Variants in LYPD6 observed in about 807,000 individuals in gnomAD.
The protein encoded by LYPD6 is LY6/PLAUR domain containing 6, also known as ly6/PLAUR domain-containing protein 6.
In LYPD6, 15 loss-of-function variants were observed where a neutral mutation model predicts 22.7. The observed-to-expected ratio is 0.66, with a 90% CI of 0.44 to 1.02. LYPD6 has a LOEUF of 1.02. LYPD6 is among the 50% of genes least tolerant of loss of function. The probability of loss-of-function intolerance (pLI) is 0.00; values close to 1 mark genes in which losing one functional copy is unlikely to be tolerated. For missense variants in LYPD6, 189 were observed against 208.4 expected (o/e 0.91, Z 0.57); for synonymous variants, 72 against 77.5 (o/e 0.93, Z 0.37).
intron 1 of LYPD6, among the ~76,000 whole-genome samples, chr2:149,404,641 A>G (rs1165946316): frequency 1.3e-5 from 2 of 152,152 alleles, no homozygotes; most frequent in Non-Finnish European, 1.5e-5. Flanking sequence ...GGGCTGAGAC[A>G]GTGGGGTTTT....
At chr2:149,393,902 G>A (rs1057266624) in intron 1 of LYPD6, among the ~76,000 whole-genome samples, 1 of 152,158 alleles carries the variant, frequency 6.6e-6, no homozygotes, top group Non-Finnish European at 1.5e-5. Flanking sequence ...GTGACAGGGC[G>A]ATTTGCTCTC....
At chr2:149,408,309 A>G (rs1422934474) in intron 1 of LYPD6, among the ~76,000 whole-genome samples, 2 of 152,002 alleles carry the variant, frequency 1.3e-5, no homozygotes, top group African/African-American at 2.4e-5. Context: ...TTTATAGGTT[A>G]CCTGATACTT....
At chr2:149,433,993 A>G (rs1429575784) in intron 1 of LYPD6, among the ~76,000 whole-genome samples, 2 of 152,108 alleles carry the variant, frequency 1.3e-5, no homozygotes, top group Non-Finnish European at 1.5e-5. Flanking sequence ...TATACTTTAA[A>G]TTCTGGGATA....
chr2:149,419,635 A>T (rs914169757), intron 1 of LYPD6, among the ~76,000 whole-genome samples: 14 of 152,182 alleles, frequency 9.2e-5, no homozygotes, highest in African/African-American at 3.4e-4. Context: ...GTTATAGAGA[A>T]TCACTGTAGC....
intron 1 of LYPD6, among the ~76,000 whole-genome samples, chr2:149,430,161 G>A (rs757053906): frequency 2.6e-5 from 4 of 152,164 alleles, no homozygotes; most frequent in African/African-American, 4.8e-5. Flanking sequence ...GTGCGTTGGC[G>A]TGATCTCGGC....
chr2:149,394,269 C>T (rs781627680), intron 1 of LYPD6, among the ~76,000 whole-genome samples: 1 of 152,088 alleles, frequency 6.6e-6, no homozygotes, highest in Admixed American at 6.6e-5. Context: ...AGCTTCCCTC[C>T]CCTCTGGGTC....
chr2:149,403,808 CT>C (rs1300362159), intron 1 of LYPD6, among the ~76,000 whole-genome samples: 8 of 149,818 alleles, frequency 5.3e-5, no homozygotes, highest in Non-Finnish European at 1.2e-4. Context: ...GTCCTTGCCC[CT>C]GCCTATGTCC....
intron 1 of LYPD6, among the ~76,000 whole-genome samples, chr2:149,423,579 A>T (rs1001214808): frequency 5.9e-5 from 9 of 152,034 alleles, no homozygotes; most frequent in Non-Finnish European, 1.0e-4. Context: ...TGGCAGGAAA[A>T]CGAGGCTGCC....
chr2:149,372,469 C>T (rs1028410520), intron 1 of LYPD6, among the ~76,000 whole-genome samples: 3 of 152,176 alleles, frequency 2.0e-5, no homozygotes, highest in Non-Finnish European at 2.9e-5. Context: ...GTCTTAAATA[C>T]TGAGGGACAA....
At chr2:149,385,114 A>C (rs182725468) in intron 1 of LYPD6, among the ~76,000 whole-genome samples, 10 of 151,900 alleles carry the variant, frequency 6.6e-5, no homozygotes, top group South Asian at 6.3e-4. Context: ...CTTTCATTTT[A>C]TCTCTCTTCC....
chr2:149,460,744 A>G (rs137887716), intron 3 of LYPD6, among the ~76,000 whole-genome samples: 32 of 152,250 alleles, frequency 2.1e-4, no homozygotes, highest in African/African-American at 7.0e-4. Context: ...GCCATAAAGC[A>G]AACCTCAACA....
At chr2:149,372,268 T>TA (rs1407506426) in intron 1 of LYPD6, among the ~76,000 whole-genome samples, 1 of 152,212 alleles carries the variant, frequency 6.6e-6, no homozygotes, top group Non-Finnish European at 1.5e-5. Flanking sequence ...AGTAAGACCT[T>TA]ACGCCTGATA....
the LYPD6 span, among the ~76,000 whole-genome samples, chr2:149,486,332 G>A: frequency 6.6e-6 from 1 of 152,266 alleles, no homozygotes; most frequent in South Asian, 2.1e-4. Context: ...TCACTGCTCA[G>A]GTGTTTCGAT....
chr2:149,389,113 C>G (rs1043648902), intron 1 of LYPD6, among the ~76,000 whole-genome samples: 3 of 152,132 alleles, frequency 2.0e-5, no homozygotes, highest in African/African-American at 7.2e-5. Context: ...AAAAAAAACC[C>G]CTAAGTTTTG....
chr2:149,471,088 A>C lies in LYPD6; in HGVS notation c.*238A>C. On this transcript the variant is annotated 3_prime_UTR_variant, in exon 5 of 5. Transcript: ENST00000334166. ...AGTACAGCCCAAGTTCCATACCATA[A>C]ACGTTTGTTTTCATTCCAAGAAGTA... 2.6e-6 allele frequency: 1 copy of C among 385,270 alleles called. No individual in the cohort carries two copies. The highest frequency in any genetic ancestry group is 4.7e-6 in the Non-Finnish European group (1 of 212,856). The allele number at this position is 385,270 out of a possible 1,614,324, so 23.9% of individuals were successfully genotyped here.
At chr2:149,486,375 C>A in the LYPD6 span, among the ~76,000 whole-genome samples, 1 of 152,130 alleles carries the variant, frequency 6.6e-6, no homozygotes, top group Non-Finnish European at 1.5e-5. Context: ...TTATGAGTTC[C>A]ACATTCACTC....
downstream of LYPD6, among the ~76,000 whole-genome samples, chr2:149,477,622 C>CAAAAAAA (rs35507967): frequency 1.6e-5 from 1 of 62,912 alleles, no homozygotes; most frequent in Non-Finnish European, 2.7e-5. Flanking sequence ...AACTGTGTCT[C>CAAAAAAA]AAAAAAAAAA....
At chr2:149,336,341 A>G (rs1002320990) in intron 1 of LYPD6, among the ~76,000 whole-genome samples, 1 of 152,248 alleles carries the variant, frequency 6.6e-6, no homozygotes, top group African/African-American at 2.4e-5. Flanking sequence ...AAGAAAAATA[A>G]TAGAAGATTA....
intron 3 of LYPD6, among the ~76,000 whole-genome samples, chr2:149,466,410 A>C (rs1015456630): frequency 2.6e-5 from 4 of 152,184 alleles, no homozygotes; most frequent in African/African-American, 9.6e-5. Flanking sequence ...AAGTGATGGC[A>C]GTGTTCTCCA....
Sources: gnomAD v4.1 joint callset for allele counts (sites outside exome capture counted in the v4.1 genomes callset) on GRCh38, gnomAD v4.1.1 for gene constraint, MANE v1.5 for transcripts, NCBI Gene and HGNC (gene_info 2026-07-23, HGNC 2026-07-21) for gene names.